Variants in MAML2 observed in about 807,000 individuals in gnomAD.
The protein encoded by MAML2 is mastermind-like protein 2.
Under a neutral mutation model 96.1 loss-of-function variants are expected in MAML2, and 22 were observed. That is an observed-to-expected ratio of 0.23 (90% confidence interval 0.16 to 0.33). The LOEUF is 0.33. Ranked by LOEUF, MAML2 falls within the 10% of genes least tolerant of loss-of-function variation. MAML2 has a pLI of 1.00. For missense variants in MAML2, 1,367 were observed against 1,392.4 expected, an observed-to-expected ratio of 0.98 and a Z score of 0.29; for synonymous variants, 561 against 521.3, an observed-to-expected ratio of 1.08 and a Z score of -1.04.
At chr11:96,223,246 A>G (rs143496127) in intron 1 of MAML2, among the ~76,000 whole-genome samples, 267 of 152,272 alleles carry the variant, frequency 1.8e-3, no homozygotes, top group Non-Finnish European at 3.6e-3. Flanking sequence ...TGTATGACCT[A>G]ATTTTATTAC....
chr11:96,306,398 G>A (rs190404898), intron 1 of MAML2, among the ~76,000 whole-genome samples: 115 of 152,290 alleles, frequency 7.6e-4, no homozygotes, highest in Non-Finnish European at 1.9e-4. Context: ...AAGAATTAGG[G>A]CTGTGTTGAC....
chr11:96,022,293 G>T (rs184741115), intron 2 of MAML2, among the ~76,000 whole-genome samples: 2 of 152,306 alleles, frequency 1.3e-5, no homozygotes, highest in East Asian at 3.9e-4. Flanking sequence ...TGAGACCCCA[G>T]TGCCTGTCCT....
At chr11:96,015,973 T>C (rs1648058347) in intron 2 of MAML2, among the ~76,000 whole-genome samples, 1 of 152,046 alleles carries the variant, frequency 6.6e-6, no homozygotes, top group Non-Finnish European at 1.5e-5. Flanking sequence ...GAGGTATGTA[T>C]TAGAGATAAT....
Position 95,979,626 on chromosome 11 carries a change from A to G in MAML2, c.2793T>C (p.Gly931=). The change falls in exon 5 of 5, where the codon GGT becomes GGC. Residue 931 remains glycine (G), a synonymous_variant. Coordinates refer to ENST00000524717, the MANE Select transcript of MAML2 (RefSeq NM_032427.4). ...AATTTGGTCTCAATTGTTGTGAATT[A>G]CCAACAGATCCAGCTCCAAAAGTGG... The part of the protein sequence containing the change: ...NVATFGAGSV[G]NSQQLRPNLT... 2 of 1,613,962 alleles carry G rather than the reference A, an allele frequency of 1.2e-6. No individual in the cohort carries two copies. The highest frequency in any genetic ancestry group is 1.1e-5 in the South Asian group (1 of 91,080).
intron 2 of MAML2, among the ~76,000 whole-genome samples, chr11:95,998,933 A>T (rs1202196061): frequency 6.6e-6 from 1 of 152,212 alleles, no homozygotes; most frequent in African/African-American, 2.4e-5. Flanking sequence ...GTTGCAATCT[A>T]TGTCTACAAA....
chr11:95,980,137 C>A (rs546199303), intron 4 of MAML2, among the ~76,000 whole-genome samples, 174 bp from the exon 5 acceptor site: 123 of 152,302 alleles, frequency 8.1e-4, no homozygotes, highest in Non-Finnish European at 1.4e-3. Flanking sequence ...GAGGAAGGAG[C>A]ACCTGAGGTC....
At chr11:96,157,891 A>T (rs991031914) in intron 1 of MAML2, among the ~76,000 whole-genome samples, 3 of 152,128 alleles carry the variant, frequency 2.0e-5, no homozygotes, top group Non-Finnish European at 4.4e-5. Flanking sequence ...ATAATTTAAG[A>T]TTACATTTTG....
At chr11:96,017,354 C>CCTCCCTCT (rs1858370266) in intron 2 of MAML2, among the ~76,000 whole-genome samples, 1 of 151,680 alleles carries the variant, frequency 6.6e-6, no homozygotes, top group Admixed American at 6.6e-5. Context: ...ATTACCCCTC[C>CCTCCCTCT]CTCCCTCTCT....
intron 1 of MAML2, among the ~76,000 whole-genome samples, chr11:96,213,779 G>C (rs1176268557): frequency 6.6e-6 from 1 of 152,184 alleles, no homozygotes; most frequent in Non-Finnish European, 1.5e-5. Context: ...CAGATGCATT[G>C]CCTTGTCTTT....
chr11:96,321,906 G>A (rs1164043768), intron 1 of MAML2, among the ~76,000 whole-genome samples: 1 of 152,130 alleles, frequency 6.6e-6, no homozygotes, highest in Non-Finnish European at 1.5e-5. Context: ...ATCATGAACA[G>A]TTTTGAGTTA....
intron 1 of MAML2, among the ~76,000 whole-genome samples, chr11:96,272,118 C>T (rs140805604): frequency 1.5e-4 from 23 of 152,292 alleles, no homozygotes; most frequent in Admixed American, 2.6e-4. Flanking sequence ...AAAACTGACT[C>T]CTTTCTCTGA....
intron 2 of MAML2, among the ~76,000 whole-genome samples, chr11:96,046,671 G>T (rs962864605): frequency 6.6e-6 from 1 of 152,130 alleles, no homozygotes; most frequent in Admixed American, 6.5e-5. Context: ...AAAGGCCCAG[G>T]AAGATTTTTT....
chr11:96,080,233 G>T (rs1859510218), intron 2 of MAML2, among the ~76,000 whole-genome samples: 1 of 152,134 alleles, frequency 6.6e-6, no homozygotes, highest in Non-Finnish European at 1.5e-5. Context: ...AGATGTAATG[G>T]ATACGGCCTA....
intron 1 of MAML2, among the ~76,000 whole-genome samples, chr11:96,109,092 G>A (rs1860076907): frequency 6.6e-6 from 1 of 152,066 alleles, no homozygotes; most frequent in Admixed American, 6.5e-5. Flanking sequence ...TTTCCTGACT[G>A]AAAATCCATG....
At chr11:96,301,668 G>A (rs1162919957) in intron 1 of MAML2, among the ~76,000 whole-genome samples, 1 of 152,162 alleles carries the variant, frequency 6.6e-6, no homozygotes, top group African/African-American at 2.4e-5. Context: ...TCTTGGAACT[G>A]TTCTAAATTA....
chr11:96,036,979 T>A (rs1252685592), intron 2 of MAML2, among the ~76,000 whole-genome samples: 2 of 152,186 alleles, frequency 1.3e-5, no homozygotes, highest in Non-Finnish European at 2.9e-5. Context: ...GTAGATAATT[T>A]TGAACTGGAT....
chr11:96,314,010 C>T (rs1246235309), intron 1 of MAML2, among the ~76,000 whole-genome samples: 1 of 152,208 alleles, frequency 6.6e-6, no homozygotes, highest in East Asian at 1.9e-4. Flanking sequence ...TCTGGTGTTT[C>T]TGCTTTCTAA....
chr11:96,209,268 C>T (rs1861934889), intron 1 of MAML2, among the ~76,000 whole-genome samples: 1 of 151,876 alleles, frequency 6.6e-6, no homozygotes, highest in Non-Finnish European at 1.5e-5. Flanking sequence ...ACAAGGGTAC[C>T]TTCTTCACAT....
intron 1 of MAML2, among the ~76,000 whole-genome samples, chr11:96,173,141 G>A (rs1488434731): frequency 6.6e-6 from 1 of 152,128 alleles, no homozygotes; most frequent in East Asian, 1.9e-4. Flanking sequence ...TGGGACCCAG[G>A]GGCTGTCGGG....
Sources: allele counts gnomAD v4.1 joint callset (sites outside exome capture counted in the v4.1 genomes callset), GRCh38; gene constraint gnomAD v4.1.1; transcripts MANE v1.5; gene names NCBI Gene and HGNC (gene_info 2026-07-23, HGNC 2026-07-21).